The following ESRRG variants were observed in gnomAD, a reference collection of about 807,000 sequenced individuals.
ESRRG encodes estrogen-related receptor gamma.
A neutral mutation model predicts 44.0 loss-of-function variants in ESRRG; 13 were observed. The observed-to-expected ratio is 0.30, with a 90% CI of 0.19 to 0.47. The LOEUF (loss-of-function observed/expected upper bound fraction) is 0.47. Among genes scored for constraint, ESRRG ranks in the 20% least tolerant of loss-of-function variants. ESRRG has a pLI of 1.00. For missense variants in ESRRG, 395 were observed against 580.6 expected, an observed-to-expected ratio of 0.68 and a Z score of 3.29; for synonymous variants, 215 against 214.6, an observed-to-expected ratio of 1.00 and a Z score of -0.02.
intron 2 of ESRRG, among the ~76,000 whole-genome samples, chr1:216,745,537 A>G (rs1333864626): frequency 6.6e-6 from 1 of 150,398 alleles, no homozygotes; most frequent in Non-Finnish European, 1.5e-5. Context: ...TCTCTATTGC[A>G]GACACTGTGC....
In ESRRG at chr1:216,914,045, T is replaced by A. The variant is rs187711196; in HGVS notation, c.-14+25537A>T. Among the ~76,000 whole-genome samples the A allele has an allele frequency of 4.6e-5, 7 of 152,208 alleles. No homozygotes were observed. The East Asian group carries it at 1.2e-3, about 25-fold the overall frequency. Reference sequence around the variant, plus strand: ...TACCGGAAAAGTTCATTCCAGTAGGTCCTGGTCAAGAAAAACCTATTTCAA... The same window carrying A: ...TACCGGAAAAGTTCATTCCAGTAGGACCTGGTCAAGAAAAACCTATTTCAA... On this transcript the variant is annotated intron_variant, in intron 2 of 7. Transcript: ENST00000359162.
rs2095630411 is a variant in ESRRG, at chr1:216,840,224, G to A, written c.-14+99358C>T. On this transcript the variant is annotated intron_variant, in intron 2 of 7. Transcript: ENST00000359162. ...GGATAACTTGCTGCAGCTTTGAAAT[G>A]AGCACCTGCTGCTTCACCTTCCACT... is the stretch of plus-strand genomic sequence containing the variant. Among the ~76,000 whole-genome samples the A allele has an allele frequency of 2.0e-5, 3 of 151,264 alleles. No individual in the cohort carries two copies. In the South Asian group the frequency reaches 6.2e-4, roughly 31 times the overall value.
At chr1:216,658,919 T>TAAAGA (rs149329162) in intron 2 of ESRRG, among the ~76,000 whole-genome samples, 5 of 131,652 alleles carry the variant, frequency 3.8e-5, no homozygotes, top group Non-Finnish European at 8.2e-5. Context: ...AGAAGAGAAA[T>TAAAGA]AAAGAAAAGA....
At chr1:216,968,135 T>C (rs1026568245) in intron 1 of ESRRG, among the ~76,000 whole-genome samples, 2 of 152,194 alleles carry the variant, frequency 1.3e-5, no homozygotes, top group African/African-American at 4.8e-5. Flanking sequence ...ATATTTTGGA[T>C]AACAATCCTT....
chr1:217,027,930 C>G (rs950581), intron 1 of ESRRG, among the ~76,000 whole-genome samples: 66,818 of 151,994 alleles, frequency 0.44, 15,199 homozygotes, highest in African/African-American at 0.56. Flanking sequence ...AACCTCTATG[C>G]CTACCAAGAT....
chr1:216,836,093 CAAAA>C (rs34241468), intron 2 of ESRRG, among the ~76,000 whole-genome samples: 9 of 97,774 alleles, frequency 9.2e-5, no homozygotes, highest in Admixed American at 2.1e-4. Context: ...GCTGCGATTT[CAAAA>C]AAAAAAAAAA....
At chr1:217,070,021 C>T (rs1176260617) in intron 1 of ESRRG, among the ~76,000 whole-genome samples, 2 of 152,146 alleles carry the variant, frequency 1.3e-5, no homozygotes, top group African/African-American at 4.8e-5. Context: ...CTCCTCCATC[C>T]ACATGTCCCC....
chr1:216,540,987 G>A (rs1385446156), intron 5 of ESRRG, among the ~76,000 whole-genome samples: 1 of 151,966 alleles, frequency 6.6e-6, no homozygotes, highest in Admixed American at 6.6e-5. Flanking sequence ...GTGTTGAAGA[G>A]ACAGGGATTC....
chr1:216,576,775 C>A (rs943919618), intron 3 of ESRRG, among the ~76,000 whole-genome samples: 7 of 152,002 alleles, frequency 4.6e-5, no homozygotes, highest in African/African-American at 1.7e-4. Flanking sequence ...AAGGTTGCTT[C>A]ATCTGAAGCA....
intron 2 of ESRRG, among the ~76,000 whole-genome samples, chr1:216,662,280 A>G (rs559202843): frequency 1.9e-3 from 290 of 152,308 alleles, no homozygotes; most frequent in African/African-American, 6.8e-3. Context: ...CAGCCAAAAG[A>G]CAAAGAACTG....
At chr1:216,799,971 A>G (rs2094570662) in intron 2 of ESRRG, among the ~76,000 whole-genome samples, 1 of 152,188 alleles carries the variant, frequency 6.6e-6, no homozygotes, top group African/African-American at 2.4e-5. Flanking sequence ...TTTATTTGCA[A>G]ATAAAAATAT....
chr1:216,771,593 G>GA (rs1376895909), intron 2 of ESRRG, among the ~76,000 whole-genome samples: 4 of 151,958 alleles, frequency 2.6e-5, no homozygotes, highest in Admixed American at 6.6e-5. Context: ...CCTGCCATGG[G>GA]AAAAAAGCCT....
At chr1:217,130,908 T>C (rs979682714) in intron 1 of ESRRG, among the ~76,000 whole-genome samples, 1 of 152,136 alleles carries the variant, frequency 6.6e-6, no homozygotes, top group East Asian at 1.9e-4. Context: ...TTTTAACTAT[T>C]AAGACGTTAG....
At chr1:216,938,257 T>C (rs981925658) in intron 2 of ESRRG, among the ~76,000 whole-genome samples, 6 of 152,234 alleles carry the variant, frequency 3.9e-5, no homozygotes, top group Admixed American at 1.3e-4. Context: ...TGCAATGGCA[T>C]AGTAAGCATG....
intron 2 of ESRRG, among the ~76,000 whole-genome samples, chr1:216,828,166 G>C (rs2095428616): frequency 6.6e-6 from 1 of 152,214 alleles, no homozygotes; most frequent in African/African-American, 2.4e-5. Context: ...AGAGAGAGGA[G>C]AGCCTGGGAT....
chr1:216,990,883 G>A (rs2075581504), intron 1 of ESRRG, among the ~76,000 whole-genome samples: 1 of 152,066 alleles, frequency 6.6e-6, no homozygotes, highest in Non-Finnish European at 1.5e-5. Context: ...TTGTTCTAGG[G>A]TCAATTGTAC....
chr1:217,035,583 GAA>G (rs1192178397), intron 1 of ESRRG, among the ~76,000 whole-genome samples: 4 of 148,820 alleles, frequency 2.7e-5, no homozygotes, highest in Admixed American at 6.7e-5. Flanking sequence ...GCTATAAACA[GAA>G]AAAAAGTTAC....
At chr1:217,011,927 G>A (rs894910229) in intron 1 of ESRRG, among the ~76,000 whole-genome samples, 6 of 152,040 alleles carry the variant, frequency 3.9e-5, no homozygotes, top group East Asian at 1.9e-4. Flanking sequence ...ACTTTTCTTC[G>A]TGCTAGCTTG....
At chr1:216,980,744 T>C (rs1312393232) in intron 1 of ESRRG, among the ~76,000 whole-genome samples, 1 of 152,160 alleles carries the variant, frequency 6.6e-6, no homozygotes, top group East Asian at 1.9e-4. Flanking sequence ...GATAAATGCA[T>C]ATCCCACTGC....
Sources: allele counts gnomAD v4.1 joint callset (sites outside exome capture counted in the v4.1 genomes callset), GRCh38; gene constraint gnomAD v4.1.1; transcripts MANE v1.5; gene names NCBI Gene and HGNC (gene_info 2026-07-23, HGNC 2026-07-21).